The following PIP4K2A variants were observed in gnomAD, a reference collection of about 807,000 sequenced individuals.
PIP4K2A encodes phosphatidylinositol 5-phosphate 4-kinase type-2 alpha.
A neutral mutation model predicts 42.9 loss-of-function variants in PIP4K2A; 14 were observed. That is an observed-to-expected ratio of 0.33 (90% CI 0.22 to 0.51). The LOEUF (loss-of-function observed/expected upper bound fraction) is 0.51. Among genes scored for constraint, PIP4K2A ranks in the 20% least tolerant of loss-of-function variants. PIP4K2A has a pLI of 0.97. For missense variants in PIP4K2A, 434 were observed against 519.8 expected, an observed-to-expected ratio of 0.83 and a Z score of 1.61; for synonymous variants, 192 against 192.2, an observed-to-expected ratio of 1.00 and a Z score of 0.01.
At chr10:22,662,829 TA>T (rs1839228647) in intron 1 of PIP4K2A, among the ~76,000 whole-genome samples, 1 of 152,160 alleles carries the variant, frequency 6.6e-6, no homozygotes. Context: ...TCCCTTCCCA[TA>T]AAATCTGATA....
intron 6 of PIP4K2A, among the ~76,000 whole-genome samples, chr10:22,566,918 T>G (rs1177238924): frequency 6.6e-6 from 1 of 152,224 alleles, no homozygotes; most frequent in African/African-American, 2.4e-5. Context: ...CTGTGTGTCT[T>G]GTTATTTTAG....
intron 1 of PIP4K2A, among the ~76,000 whole-genome samples, chr10:22,682,318 T>G (rs1314824814): frequency 6.6e-6 from 1 of 152,228 alleles, no homozygotes; most frequent in Non-Finnish European, 1.5e-5. Flanking sequence ...CTAGCAACTA[T>G]CAGGCCTACT....
chr10:22,637,385 T>C (rs566790587), intron 1 of PIP4K2A, among the ~76,000 whole-genome samples: 7 of 152,312 alleles, frequency 4.6e-5, no homozygotes, highest in Non-Finnish European at 1.5e-5. Context: ...AATAAGTGAC[T>C]TATTACTAAA....
chr10:22,672,317 A>G (rs2130861711), intron 1 of PIP4K2A, among the ~76,000 whole-genome samples: 1 of 152,188 alleles, frequency 6.6e-6, no homozygotes, highest in East Asian at 1.9e-4. Context: ...GGATGAGATT[A>G]AAAAACAGAA....
chr10:22,569,840 T>A (rs1420980165), intron 5 of PIP4K2A, among the ~76,000 whole-genome samples: 1 of 151,022 alleles, frequency 6.6e-6, no homozygotes, highest in Non-Finnish European at 1.5e-5. Flanking sequence ...TTAAAAAAAA[T>A]AGAAAAGGAA....
At position 22,707,616 on chromosome 10, in the gene PIP4K2A, TC is replaced by T. The variant is rs983720510; in HGVS notation, c.144+6566del. 3.3e-4 allele frequency among the ~76,000 whole-genome samples: 50 copies of T among 152,330 alleles called. 1 individual carries two copies. Among genetic ancestry groups the T allele is most frequent in the African/African-American group, 1.2e-3 (50 of 41,566 alleles). ...AAAAGAACTCAAAGAAATGAATGAT[TC>T]CTGAGCTTGGCCCAGGCAGCACAGC... On this transcript the variant is annotated intron_variant, in intron 1 of 9. Transcript: ENST00000376573.
chr10:22,536,947 G>A lies in PIP4K2A; in HGVS notation c.*254C>T, dbSNP rs147836406. 0.016 allele frequency: 6,497 copies of A among 402,852 alleles called. 235 individuals carry two copies. Among genetic ancestry groups the A allele is most frequent in the Middle Eastern group, 0.029 (48 of 1,668 alleles). 25.0% of individuals were successfully genotyped at this position (402,852 alleles called of 1,614,324 possible). On this transcript the variant is annotated 3_prime_UTR_variant, in exon 10 of 10. Transcript: ENST00000376573. ...TATGACTTTTAAAATGCACACGCGCGCACACACTCACCCCCCCCCAACACA... is the reference window on the plus strand; with the variant it reads ...TATGACTTTTAAAATGCACACGCGCACACACACTCACCCCCCCCCAACACA...
At chr10:22,654,128 C>T (rs897796330) in intron 1 of PIP4K2A, among the ~76,000 whole-genome samples, 3 of 152,076 alleles carry the variant, frequency 2.0e-5, no homozygotes, top group African/African-American at 7.2e-5. Flanking sequence ...CTTTGCTGGC[C>T]GCAGATGCCC....
intron 1 of PIP4K2A, among the ~76,000 whole-genome samples, chr10:22,628,931 C>G (rs1838498484): frequency 6.6e-6 from 1 of 152,104 alleles, no homozygotes; most frequent in Non-Finnish European, 1.5e-5. Context: ...GAGGCATGTC[C>G]AACCCCCTCT....
chr10:22,546,410 A>G (rs1372453582), intron 7 of PIP4K2A, among the ~76,000 whole-genome samples: 1 of 152,066 alleles, frequency 6.6e-6, no homozygotes, highest in African/African-American at 2.4e-5. Context: ...TCTCATCTTC[A>G]AAACGTTAAA....
intron 1 of PIP4K2A, among the ~76,000 whole-genome samples, chr10:22,673,187 T>C (rs1588699264): frequency 6.6e-6 from 1 of 152,234 alleles, no homozygotes; most frequent in Non-Finnish European, 1.5e-5. Flanking sequence ...TCTTTCCCAT[T>C]ACTTCCTGCC....
chr10:22,647,806 C>G (rs1838913837), intron 1 of PIP4K2A, among the ~76,000 whole-genome samples: 1 of 152,182 alleles, frequency 6.6e-6, no homozygotes, highest in Non-Finnish European at 1.5e-5. Flanking sequence ...CTACTGGCAA[C>G]AAGTACATGC....
chr10:22,693,325 G>T (rs1323601660), intron 1 of PIP4K2A, among the ~76,000 whole-genome samples: 3 of 151,482 alleles, frequency 2.0e-5, no homozygotes, highest in Admixed American at 1.3e-4. Flanking sequence ...TTTTACCTAT[G>T]TATTCTTTGT....
intron 6 of PIP4K2A, among the ~76,000 whole-genome samples, chr10:22,557,117 T>TAC (rs1836573837): frequency 6.6e-6 from 1 of 152,172 alleles, no homozygotes; most frequent in Non-Finnish European, 1.5e-5. Flanking sequence ...CAATGATCTC[T>TAC]AAGGACAGAT....
chr10:22,676,139 G>A (rs1042521189), intron 1 of PIP4K2A, among the ~76,000 whole-genome samples: 2 of 152,028 alleles, frequency 1.3e-5, no homozygotes, highest in Admixed American at 1.3e-4. Flanking sequence ...TTTTTGAAGT[G>A]TCTGTTTCCA....
intron 9 of PIP4K2A, among the ~76,000 whole-genome samples, chr10:22,539,241 T>C (rs545422936): frequency 1.1e-3 from 173 of 152,338 alleles, no homozygotes; most frequent in Non-Finnish European, 2.1e-3. Context: ...CTTGCTACTA[T>C]GAGGCCCTGG....
chr10:22,621,797 C>T (rs1001860309), intron 1 of PIP4K2A, among the ~76,000 whole-genome samples: 1 of 152,246 alleles, frequency 6.6e-6, no homozygotes, highest in Non-Finnish European at 1.5e-5. Context: ...ATGTGTTCAG[C>T]AGACTTCACA....
chr10:22,606,462 C>A (rs1207387471), intron 3 of PIP4K2A, among the ~76,000 whole-genome samples: 1 of 152,212 alleles, frequency 6.6e-6, no homozygotes, highest in Non-Finnish European at 1.5e-5. Flanking sequence ...TCCATGTAAA[C>A]CACAACCCCA....
chr10:22,709,562 T>G (rs953515201), intron 1 of PIP4K2A, among the ~76,000 whole-genome samples: 4 of 152,184 alleles, frequency 2.6e-5, no homozygotes, highest in African/African-American at 9.7e-5. Context: ...TTTATTATAA[T>G]TCTTGCCGGC....
Sources: gnomAD v4.1 joint callset for allele counts (sites outside exome capture counted in the v4.1 genomes callset) on GRCh38, gnomAD v4.1.1 for gene constraint, MANE v1.5 for transcripts, NCBI Gene and HGNC (gene_info 2026-07-23, HGNC 2026-07-21) for gene names.